Variants in NMRK1 observed in about 807,000 individuals in gnomAD.
NMRK1 encodes the protein nicotinamide riboside kinase 1, also known as NRK 1.
Under a neutral mutation model 29.9 loss-of-function variants are expected in NMRK1, and 28 were observed. The observed-to-expected ratio is 0.94, with a 90% CI of 0.69 to 1.28. The LOEUF is 1.28. Among genes scored for constraint, NMRK1 ranks in the 50% most tolerant of loss-of-function variants. NMRK1 has a pLI of 0.00. For synonymous variants in NMRK1, 58 were observed against 73.0 expected (o/e 0.79, Z 1.05); for missense variants, 218 against 233.1 (o/e 0.94, Z 0.42).
intron 8 of NMRK1, among the ~76,000 whole-genome samples, chr9:75,063,962 GT>G (rs148390503): frequency 4.7e-4 from 53 of 113,392 alleles, no homozygotes; most frequent in Non-Finnish European, 7.9e-4. Context: ...CCTCTTTTAA[GT>G]TTTTTTTTTA....
chr9:75,068,403 C>T (rs1291907094), intron 7 of NMRK1, among the ~76,000 whole-genome samples: 1 of 152,150 alleles, frequency 6.6e-6, no homozygotes, highest in African/African-American at 2.4e-5. Flanking sequence ...AATCCACTCC[C>T]CTGGTTTTCT....
chr9:75,066,305 A>G (rs754692772), intron 8 of NMRK1: 4 of 517,202 alleles, frequency 7.7e-6, no homozygotes, highest in Admixed American at 2.0e-5. Flanking sequence ...AAAACCTTAA[A>G]CAAACACTTC....
chr9:75,069,973 G>C lies in NMRK1; in HGVS notation c.239C>G (p.Ser80Cys). The part of the protein sequence containing the change: ...ISCWMESARH[S>C]VVSTDQESAE... ...ACTTTCCTGGTCTGTTGATACCACA[G>C]AGTGTCTTGCGCTTTCCATCCAGCA... Residue 80 changes from serine to cysteine, a missense_variant, in exon 5 of 9, where the codon TCT becomes TGT. Ser to Cys is a moderately radical substitution (Grantham distance 112). Transcript: ENST00000361092. The C allele has an allele frequency of 1.2e-6, 2 of 1,613,946 alleles. No homozygotes were observed. The highest frequency in any genetic ancestry group is 1.7e-6 in the Non-Finnish European group (2 of 1,179,858).
At chr9:75,077,133 A>G in intron 4 of NMRK1, 26 bp downstream of exon 4, 4 of 1,363,068 alleles carry the variant, frequency 2.9e-6, no homozygotes, top group Non-Finnish European at 4.2e-6. Flanking sequence ...ATAAGCATAT[A>G]ATATTTGACA....
chr9:75,086,148 G>A (rs1010771759), intron 1 of NMRK1, among the ~76,000 whole-genome samples: 2 of 151,472 alleles, frequency 1.3e-5, no homozygotes, highest in African/African-American at 2.4e-5. Flanking sequence ...GTGACACAGC[G>A]AGACCCTATC....
chr9:75,087,514 T>C (rs1462607533), intron 1 of NMRK1: 1 of 152,098 alleles, frequency 6.6e-6, no homozygotes, highest in African/African-American at 2.4e-5. Flanking sequence ...AGCGTGACCG[T>C]GTTCCAGTAA....
At chr9:75,069,670 G>A in intron 6 of NMRK1, 72 bp downstream of exon 6, 2 of 1,197,828 alleles carry the variant, frequency 1.7e-6, no homozygotes, top group Middle Eastern at 2.3e-4. Context: ...GCTCAATAAT[G>A]TTGCTGTCCT....
At chr9:75,081,050 C>CTT (rs1824292205) in intron 2 of NMRK1, among the ~76,000 whole-genome samples, 1 of 152,184 alleles carries the variant, frequency 6.6e-6, no homozygotes, top group African/African-American at 2.4e-5. Flanking sequence ...AAATGACTGT[C>CTT]TTTACATTTG....
intron 2 of NMRK1, among the ~76,000 whole-genome samples, chr9:75,077,885 C>G (rs950237036): frequency 6.6e-6 from 1 of 152,174 alleles, no homozygotes; most frequent in African/African-American, 2.4e-5. Flanking sequence ...ATCCACCTGC[C>G]TTGGCCTCCC....
intron 2 of NMRK1, 134 bp from the exon 3 acceptor site, chr9:75,077,714 C>A (rs1360988034): frequency 4.8e-6 from 3 of 626,278 alleles, no homozygotes; most frequent in African/African-American, 1.8e-5. Flanking sequence ...TGGCTCACTG[C>A]AACCTCCGAT....
At chr9:75,087,805 C>G (rs1454011903) in intron 1 of NMRK1, 1 of 152,236 alleles carries the variant, frequency 6.6e-6, no homozygotes, top group Non-Finnish European at 1.5e-5. Flanking sequence ...CAGGATTATT[C>G]CGGGGCGCTA....
At chr9:75,072,343 G>A (rs1256470440) in intron 4 of NMRK1, among the ~76,000 whole-genome samples, 2 of 152,186 alleles carry the variant, frequency 1.3e-5, no homozygotes, top group Non-Finnish European at 2.9e-5. Flanking sequence ...CAGTGGGGAG[G>A]AACAGTGAGC....
In NMRK1 at chr9:75,086,541, T is replaced by G. The variant is rs1003353679; in HGVS notation, c.-36+1467A>C. On this transcript the variant is annotated intron_variant, in intron 1 of 8. Transcript: ENST00000361092. ...TTTTAACCCTAAGTAAAATGTTGGG[T>G]TTTTTAAAATAATTCAGGTGTGTTT... Among the ~76,000 whole-genome samples, 3 of 152,328 alleles carry G rather than the reference T, an allele frequency of 2.0e-5. No individual in the cohort carries two copies. The South Asian group carries it at 6.2e-4, about 32-fold the overall frequency.
chr9:75,078,555 A>G (rs1824141794), intron 2 of NMRK1: 1 of 1,280,344 alleles, frequency 7.8e-7, no homozygotes, highest in African/African-American at 1.5e-5. Flanking sequence ...TCATTTATTG[A>G]AAGCGTGTTT....
chr9:75,072,701 G>A (rs948037207), intron 4 of NMRK1, among the ~76,000 whole-genome samples: 6 of 152,038 alleles, frequency 3.9e-5, no homozygotes, highest in Non-Finnish European at 8.8e-5. Flanking sequence ...TCAGAAAAAA[G>A]GGTAATGCTT....
In NMRK1 at chr9:75,077,189, T is replaced by C; in HGVS notation, c.139A>G (p.Thr47Ala). 3.1e-6 allele frequency: 5 copies of C among 1,596,566 alleles called. No homozygotes were observed. The Middle Eastern group carries it at 5.0e-4, about 159-fold the overall frequency. The change falls in exon 4 of 9, where the codon ACA becomes GCA. Residue 47 changes from threonine to alanine, a missense_variant. Physicochemically the swap from Thr to Ala is moderately conservative, Grantham distance 58. Transcript: ENST00000361092. ...TACTGCAAAAATCCATTTTTATCTG[T>C]CTCTATCTCAGACTCTGGCTGGAAA... ...DFFKPESEIE[T>A]DKNGFLQYDV...
At chr9:75,081,133 T>C (rs1259912561) in intron 2 of NMRK1, among the ~76,000 whole-genome samples, 1 of 152,224 alleles carries the variant, frequency 6.6e-6, no homozygotes, top group Non-Finnish European at 1.5e-5. Flanking sequence ...AATTGAATAA[T>C]TACTAAGTTA....
chr9:75,079,138 A>T (rs1824175688), intron 2 of NMRK1, among the ~76,000 whole-genome samples: 1 of 152,238 alleles, frequency 6.6e-6, no homozygotes, highest in African/African-American at 2.4e-5. Context: ...ATTCATCAAA[A>T]TGGCTTGTAT....
chr9:75,065,753 G>GATCATTGGACC, intron 8 of NMRK1, among the ~76,000 whole-genome samples: 1 of 152,304 alleles, frequency 6.6e-6, no homozygotes. Context: ...ATGTGATCCA[G>GATCATTGGACC]CAGGACCAAT....
Sources: allele counts gnomAD v4.1 joint callset (sites outside exome capture counted in the v4.1 genomes callset), GRCh38; gene constraint gnomAD v4.1.1; transcripts MANE v1.5; gene names NCBI Gene and HGNC (gene_info 2026-07-23, HGNC 2026-07-21).